Variants in TMEM132B observed in about 807,000 individuals in gnomAD.
The protein encoded by TMEM132B is transmembrane protein 132B.
In TMEM132B, 18 loss-of-function variants were observed where a neutral mutation model predicts 90.8. The ratio of observed to expected loss-of-function variants is 0.20; its 90% CI spans 0.14 to 0.29. TMEM132B has a LOEUF of 0.29. Ranked by LOEUF, TMEM132B falls within the 10% of genes least tolerant of loss-of-function variation. The pLI is 1.00. For synonymous variants in TMEM132B, 504 were observed against 523.3 expected, an observed-to-expected ratio of 0.96 and a Z score of 0.50; for missense variants, 1,096 against 1,326.8, an observed-to-expected ratio of 0.83 and a Z score of 2.70.
intron 3 of TMEM132B, among the ~76,000 whole-genome samples, chr12:125,462,301 T>G (rs1451764413): frequency 6.6e-6 from 1 of 152,210 alleles, no homozygotes; most frequent in Non-Finnish European, 1.5e-5. Flanking sequence ...GATATTATAT[T>G]ATCTCTTTAT....
At chr12:125,544,604 A>G (rs1163626593) in intron 4 of TMEM132B, among the ~76,000 whole-genome samples, 6 of 152,212 alleles carry the variant, frequency 3.9e-5, no homozygotes, top group African/African-American at 1.2e-4. Context: ...CTCAAAAAAC[A>G]GATGTTCATG....
intron 3 of TMEM132B, among the ~76,000 whole-genome samples, chr12:125,437,104 C>T (rs1011920067): frequency 2.5e-4 from 38 of 152,246 alleles, no homozygotes; most frequent in African/African-American, 8.9e-4. Flanking sequence ...TCAGATAACA[C>T]CTAAAATTCA....
intron 3 of TMEM132B, 98 bp from the exon 4 acceptor site, chr12:125,519,341 T>G: frequency 7.7e-7 from 1 of 1,293,968 alleles, no homozygotes; most frequent in Non-Finnish European, 1.1e-6. Context: ...CAGTCATTCT[T>G]TTGGTTGACA....
At chr12:125,561,705 CTTT>C (rs76379420) in intron 4 of TMEM132B, among the ~76,000 whole-genome samples, 4 of 145,438 alleles carry the variant, frequency 2.8e-5, no homozygotes, top group African/African-American at 7.6e-5. Flanking sequence ...TTAGAGGAAT[CTTT>C]TTTTTTTTTT....
At position 125,661,529 on chromosome 12, in the gene TMEM132B, G is replaced by T. The variant is rs1887205440; in HGVS notation, c.*6819G>T. The stretch of plus-strand genomic sequence containing the variant: ...CAGTTCACATGCCCAAAGATGAACT[G>T]GCCCATGGAGGGACTTGATTGCCAA... On this transcript the variant is annotated 3_prime_UTR_variant, in exon 9 of 9. Coordinates refer to ENST00000682704, the MANE Select transcript of TMEM132B (RefSeq NM_001366854.1). 1 of 152,194 alleles carries T rather than the reference G, an allele frequency of 6.6e-6. No homozygotes were observed. The highest frequency in any genetic ancestry group is 2.1e-4 in the South Asian group (1 of 4,818). The allele number at this position is 152,194 out of a possible 1,614,324, so 9.4% of individuals were successfully genotyped here. A position where few individuals can be genotyped will look rare whatever the true frequency, so the allele number is the denominator to read the frequency against.
rs141214193 is a variant in TMEM132B at position 125,608,137 on chromosome 12, C to A, written c.1437+24143C>A. Reference sequence around the variant, plus strand: ...GGAATTTCTGGGTCATTTGGTAAATCCAATATTTTACATTTTGAAAAACTG... The same window carrying A: ...GGAATTTCTGGGTCATTTGGTAAATACAATATTTTACATTTTGAAAAACTG... On this transcript the variant is annotated intron_variant, in intron 5 of 8. Coordinates refer to ENST00000682704, the MANE Select transcript of TMEM132B (RefSeq NM_001366854.1). Among the ~76,000 whole-genome samples the A allele has an allele frequency of 6.9e-3, 1,043 of 152,200 alleles. 8 individuals carry two copies. Among genetic ancestry groups the A allele is most frequent in the Middle Eastern group, 0.021 (6 of 292 alleles).
chr12:125,581,707 TG>T (rs1885058325), intron 4 of TMEM132B, among the ~76,000 whole-genome samples: 1 of 143,592 alleles, frequency 7.0e-6, no homozygotes, highest in African/African-American at 2.7e-5. Context: ...AAAAAATACC[TG>T]TACTGATTTT....
At chr12:125,433,848 G>T (rs767218614) in intron 3 of TMEM132B, among the ~76,000 whole-genome samples, 1 of 151,834 alleles carries the variant, frequency 6.6e-6, no homozygotes, top group Admixed American at 6.6e-5. Context: ...CTTAAAGTTC[G>T]CAATGTAATG....
At chr12:125,646,704 A>G (rs1886771987) in intron 6 of TMEM132B, among the ~76,000 whole-genome samples, 1 of 152,238 alleles carries the variant, frequency 6.6e-6, no homozygotes, top group African/African-American at 2.4e-5. Context: ...AGGCTAGGAC[A>G]TATGCACTAA....
At chr12:125,434,715 A>T (rs1208006069) in intron 3 of TMEM132B, among the ~76,000 whole-genome samples, 1 of 152,090 alleles carries the variant, frequency 6.6e-6, no homozygotes, top group Non-Finnish European at 1.5e-5. Flanking sequence ...GGTGGTCGCG[A>T]CTTCTTGCTG....
At chr12:125,363,365 G>A (rs974371984) in intron 2 of TMEM132B, among the ~76,000 whole-genome samples, 2 of 152,084 alleles carry the variant, frequency 1.3e-5, no homozygotes, top group Admixed American at 6.5e-5. Flanking sequence ...TTAGCACAGC[G>A]GTAAAGAAGG....
intron 3 of TMEM132B, among the ~76,000 whole-genome samples, chr12:125,468,898 C>T: frequency 6.6e-6 from 1 of 152,062 alleles, no homozygotes; most frequent in East Asian, 1.9e-4. Flanking sequence ...TCAGATTGTT[C>T]ATTGTTAGTA....
intron 7 of TMEM132B, 64 bp downstream of exon 7, chr12:125,651,017 T>G: frequency 6.3e-7 from 1 of 1,577,570 alleles, no homozygotes; most frequent in South Asian, 1.2e-5. Context: ...TAGATGCTGT[T>G]GTGCAGATGT....
intron 2 of TMEM132B, among the ~76,000 whole-genome samples, chr12:125,400,726 G>T (rs947701937): frequency 2.6e-5 from 4 of 152,212 alleles, no homozygotes; most frequent in African/African-American, 9.7e-5. Context: ...CAGGGAAAGT[G>T]GTTTGGTGGG....
chr12:125,589,502 A>G (rs1366913513), intron 5 of TMEM132B, among the ~76,000 whole-genome samples: 1 of 151,622 alleles, frequency 6.6e-6, no homozygotes, highest in African/African-American at 2.4e-5. Flanking sequence ...AAAAAAAAAA[A>G]AAAAGAAATA....
chr12:125,300,454 G>C (rs1197257430), intron 1 of TMEM132B, among the ~76,000 whole-genome samples: 1 of 152,136 alleles, frequency 6.6e-6, no homozygotes, highest in East Asian at 1.9e-4. Context: ...TGGCCCCTGT[G>C]TGTGGCCCTA....
intron 1 of TMEM132B, among the ~76,000 whole-genome samples, chr12:125,342,694 C>T (rs1429028004): frequency 6.6e-6 from 1 of 152,196 alleles, no homozygotes; most frequent in Non-Finnish European, 1.5e-5. Flanking sequence ...CATCTGCTTT[C>T]TGTCTGCCTC....
At chr12:125,416,575 G>A (rs571580797) in intron 3 of TMEM132B, among the ~76,000 whole-genome samples, 11 of 152,376 alleles carry the variant, frequency 7.2e-5, no homozygotes, top group Admixed American at 2.6e-4. Context: ...GGGTGGAGGG[G>A]AGCATGAGAA....
chr12:125,568,513 G>A (rs1035044162), intron 4 of TMEM132B, among the ~76,000 whole-genome samples: 16 of 152,190 alleles, frequency 1.1e-4, no homozygotes, highest in East Asian at 3.9e-4. Context: ...TATCAGCCTC[G>A]TCAGATGGAG....
Sources: gnomAD v4.1 joint callset for allele counts (sites outside exome capture counted in the v4.1 genomes callset) on GRCh38, gnomAD v4.1.1 for gene constraint, MANE v1.5 for transcripts, NCBI Gene and HGNC (gene_info 2026-07-23, HGNC 2026-07-21) for gene names.